The following CEP41 variants were observed in gnomAD, a reference collection of about 807,000 sequenced individuals.
The protein encoded by CEP41 is centrosomal protein 41.
CEP41 carries 32 observed loss-of-function variants against 44.3 expected under a neutral mutation model. That is an observed-to-expected ratio of 0.72 (90% CI 0.54 to 0.97). The LOEUF (loss-of-function observed/expected upper bound fraction) is 0.97, where lower values mean the gene tolerates loss of function less well. Ranked by LOEUF, CEP41 falls within the 50% of genes least tolerant of loss-of-function variation. The pLI, the probability that CEP41 is intolerant of heterozygous loss-of-function variation, is 0.00. For synonymous variants in CEP41, 151 were observed against 168.5 expected (o/e 0.90, Z 0.80); for missense variants, 432 against 455.2 (o/e 0.95, Z 0.46).
chr7:130,403,720 A>G (rs1796922538), intron 6 of CEP41, among the ~76,000 whole-genome samples: 2 of 152,234 alleles, frequency 1.3e-5, no homozygotes, highest in Non-Finnish European at 2.9e-5. Flanking sequence ...ACTCTATGCT[A>G]TATAGTGCAT....
At chr7:130,422,224 T>A (rs574744660) in intron 2 of CEP41, among the ~76,000 whole-genome samples, 8 of 152,330 alleles carry the variant, frequency 5.3e-5, no homozygotes, top group Admixed American at 3.9e-4. Context: ...TTCTTGTGAT[T>A]ACTCTGAATT....
At chr7:130,402,589 C>G in intron 7 of CEP41, 59 bp downstream of exon 7, 1 of 1,589,874 alleles carries the variant, frequency 6.3e-7, no homozygotes, top group Admixed American at 1.7e-5. Context: ...CCTGCCTAGA[C>G]TCAAGAGCAG....
intron 1 of CEP41, among the ~76,000 whole-genome samples, chr7:130,438,472 T>C (rs1798042601): frequency 6.6e-6 from 1 of 152,096 alleles, no homozygotes; most frequent in Non-Finnish European, 1.5e-5. Context: ...GGCTGGATAA[T>C]TGCTTGAGCC....
At position 130,396,502 on chromosome 7, in the gene CEP41, C is replaced by A; in HGVS notation, c.*2389G>T. On this transcript the variant is annotated 3_prime_UTR_variant, in exon 11 of 11. Coordinates refer to ENST00000223208, the MANE Select transcript of CEP41 (RefSeq NM_018718.3). The stretch of plus-strand genomic sequence containing the variant: ...CGACAGAAAAGAAGAGAGAAGTTGG[C>A]AGTTTTCAGCATATTAATAGCAAAC... 1 of 454,532 alleles carries A rather than the reference C, an allele frequency of 2.2e-6. No homozygotes were observed. The allele number at this position is 454,532 out of a possible 1,614,324, so 28.2% of individuals were successfully genotyped here. A position where few individuals can be genotyped will look rare whatever the true frequency, so the allele number is the denominator to read the frequency against.
chr7:130,430,736 A>T (rs995298554), intron 1 of CEP41, among the ~76,000 whole-genome samples: 3 of 151,808 alleles, frequency 2.0e-5, no homozygotes, highest in Admixed American at 2.0e-4. Flanking sequence ...GGGCTAAGGG[A>T]TTTTTTTTCT....
Position 130,394,931 on chromosome 7 carries a change from G to C in CEP41, c.*3960C>G, listed in dbSNP as rs782134013. 2.2e-6 allele frequency: 1 copy of C among 454,090 alleles called. No individual in the cohort carries two copies. 28.1% of individuals were successfully genotyped at this position (454,090 alleles called of 1,614,324 possible). On this transcript the variant is annotated 3_prime_UTR_variant, in exon 11 of 11. Transcript: ENST00000223208. ...CCTCTCTTTGCCTCACATTTTACCA[G>C]GTGCTTCAGGATGTTACACAGGTGA...
At chr7:130,425,099 A>C (rs1554423077) in intron 2 of CEP41, among the ~76,000 whole-genome samples, 1 of 152,246 alleles carries the variant, frequency 6.6e-6, no homozygotes, top group African/African-American at 2.4e-5. Context: ...GCACATGAAA[A>C]GATGTTCACT....
chr7:130,427,819 T>A (rs1002673071), intron 2 of CEP41, 136 bp downstream of exon 2: 1 of 648,610 alleles, frequency 1.5e-6, no homozygotes, highest in Admixed American at 2.5e-5. Flanking sequence ...CAAGGATAAA[T>A]CCTGAGCCGA....
chr7:130,427,911 G>A (rs782199977), intron 2 of CEP41, 44 bp downstream of exon 2: 1 of 1,292,776 alleles, frequency 7.7e-7, no homozygotes, highest in Non-Finnish European at 1.1e-6. Flanking sequence ...TCAATAATTA[G>A]CTATTAGATT....
intron 1 of CEP41, 66 bp downstream of exon 1, chr7:130,440,868 T>G: frequency 7.1e-7 from 1 of 1,412,102 alleles, no homozygotes; most frequent in South Asian, 1.1e-5. Context: ...TGCTCTTCCC[T>G]GCCCACATGA....
upstream of CEP41, chr7:130,441,235 C>T (rs1331206791): frequency 2.6e-6 from 1 of 390,802 alleles, no homozygotes; most frequent in Middle Eastern, 7.6e-4. Context: ...CGGCTCCAGC[C>T]TTAGGGCGGG....
chr7:130,427,216 T>C (rs1163134329), intron 2 of CEP41, among the ~76,000 whole-genome samples: 6 of 152,024 alleles, frequency 3.9e-5, no homozygotes, highest in Non-Finnish European at 8.8e-5. Context: ...AGTACCCCAA[T>C]CCACTAGCGA....
chr7:130,419,044 A>T, intron 2 of CEP41: 1 of 985,378 alleles, frequency 1.0e-6, no homozygotes, highest in Non-Finnish European at 1.2e-6. Context: ...ATTAATTACA[A>T]ACATTTCAGG....
In CEP41 at chr7:130,396,555, C is replaced by A. The variant is rs1554414613; in HGVS notation, c.*2336G>T. The A allele has an allele frequency of 2.2e-6, 1 of 454,408 alleles. No homozygotes were observed. Among genetic ancestry groups the A allele is most frequent in the Non-Finnish European group, 4.4e-6 (1 of 226,784 alleles). The allele number at this position is 454,408 out of a possible 1,614,324, so 28.1% of individuals were successfully genotyped here. On this transcript the variant is annotated 3_prime_UTR_variant, in exon 11 of 11. Transcript: ENST00000223208. ...CAAATTAGTAACTATGTACTTTAATCTTCAACATTCATAATTGCACAAAGC... is the reference window on the plus strand; with the variant it reads ...CAAATTAGTAACTATGTACTTTAATATTCAACATTCATAATTGCACAAAGC...
At chr7:130,439,360 G>A (rs1798070905) in intron 1 of CEP41, among the ~76,000 whole-genome samples, 1 of 151,378 alleles carries the variant, frequency 6.6e-6, no homozygotes. Context: ...TTTTTTTGCA[G>A]GGGGGAGGGG....
At chr7:130,417,193 G>GA in intron 2 of CEP41, 1 of 1,344,180 alleles carries the variant, frequency 7.4e-7, no homozygotes, top group Non-Finnish European at 9.6e-7. Context: ...TTTAAGCTGG[G>GA]ATGCATACCC....
At chr7:130,422,991 G>C (rs1424952544) in intron 2 of CEP41, among the ~76,000 whole-genome samples, 1 of 152,118 alleles carries the variant, frequency 6.6e-6, no homozygotes, top group African/African-American at 2.4e-5. Flanking sequence ...CTGTCACCGA[G>C]GCTGGAGTGC....
chr7:130,417,127 A>G, intron 2 of CEP41, 161 bp from the exon 3 acceptor site: 2 of 1,430,186 alleles, frequency 1.4e-6, no homozygotes, highest in South Asian at 1.4e-5. Context: ...AATCTTTTGG[A>G]TAATACAGCG....
At chr7:130,432,588 CA>C (rs56874452) in intron 1 of CEP41, among the ~76,000 whole-genome samples, 832 of 59,952 alleles carry the variant, frequency 0.014, 9 homozygotes, top group African/African-American at 0.042. Context: ...TTTGTTTCCA[CA>C]AAAAAAAAAA....
Sources: gnomAD v4.1 joint callset for allele counts (sites outside exome capture counted in the v4.1 genomes callset) on GRCh38, gnomAD v4.1.1 for gene constraint, MANE v1.5 for transcripts, NCBI Gene and HGNC (gene_info 2026-07-23, HGNC 2026-07-21) for gene names.